The following SORL1 variants were observed in gnomAD, a reference collection of about 807,000 sequenced individuals.
SORL1 encodes the protein sortilin-related receptor.
SORL1 carries 127 observed loss-of-function variants against 273.7 expected under a neutral mutation model. That is an observed-to-expected ratio of 0.46 (90% confidence interval 0.40 to 0.54). The LOEUF is 0.54. Ranked by LOEUF, SORL1 falls within the 20% of genes least tolerant of loss-of-function variation. The pLI is 0.00. For synonymous variants in SORL1, 1,031 were observed against 1,067.4 expected, an observed-to-expected ratio of 0.97 and a Z score of 0.66; for missense variants, 2,494 against 2,846.1, an observed-to-expected ratio of 0.88 and a Z score of 2.81.
chr11:121,489,314 C>T (rs1434526459), intron 4 of SORL1, among the ~76,000 whole-genome samples: 3 of 152,128 alleles, frequency 2.0e-5, no homozygotes, highest in Non-Finnish European at 4.4e-5. Flanking sequence ...GTTTTGCAGC[C>T]ATCACCACCA....
chr11:121,546,689 A>C (rs79129721), intron 14 of SORL1, among the ~76,000 whole-genome samples: 2,462 of 152,322 alleles, frequency 0.016, 79 homozygotes, highest in African/African-American at 0.055. Flanking sequence ...TCTGTGTTAC[A>C]ACTCCTCACT....
intron 8 of SORL1, among the ~76,000 whole-genome samples, chr11:121,517,232 C>T (rs1861968993): frequency 6.6e-6 from 1 of 152,150 alleles, no homozygotes; most frequent in South Asian, 2.1e-4. Context: ...CGCTTCTCTC[C>T]ACCGTCCCCT....
intron 22 of SORL1, among the ~76,000 whole-genome samples, chr11:121,567,370 G>T (rs1052955590): frequency 6.6e-6 from 1 of 152,130 alleles, no homozygotes; most frequent in Non-Finnish European, 1.5e-5. Context: ...TGTGGTTTTT[G>T]GTTTCATGTC....
chr11:121,572,945 C>T (rs1020771194), intron 23 of SORL1, among the ~76,000 whole-genome samples: 4 of 152,180 alleles, frequency 2.6e-5, no homozygotes, highest in Admixed American at 2.0e-4. Flanking sequence ...ATTTCGTGCA[C>T]GACAACCCCT....
rs888854043 is a variant in SORL1, at chr11:121,588,262, G to A, written c.3946+111G>A. On this transcript the variant is annotated intron_variant, in intron 28 of 47. Transcript: ENST00000260197. Reference sequence around the variant, plus strand: ...TTAATAACTGACAGGTCTTGGTTGAGTGTCGAGGGTTTGACCACCCTGGAG... The same window carrying A: ...TTAATAACTGACAGGTCTTGGTTGAATGTCGAGGGTTTGACCACCCTGGAG... 5 of 1,308,036 alleles carry A rather than the reference G, an allele frequency of 3.8e-6. No homozygotes were observed. In the African/African-American group the frequency reaches 4.3e-5, roughly 11 times the overall value. The allele number at this position is 1,308,036 out of a possible 1,614,324, so 81.0% of individuals were successfully genotyped here. A position where few individuals can be genotyped will look rare whatever the true frequency, so the allele number is the denominator to read the frequency against.
chr11:121,561,845 C>T (rs1862680944), intron 21 of SORL1, among the ~76,000 whole-genome samples: 1 of 152,076 alleles, frequency 6.6e-6, no homozygotes, highest in Admixed American at 6.6e-5. Context: ...CTCTTGCTGT[C>T]CTTTGGTTGT....
intron 2 of SORL1, among the ~76,000 whole-genome samples, chr11:121,471,421 A>G (rs981961004): frequency 2.0e-5 from 3 of 152,224 alleles, no homozygotes; most frequent in South Asian, 4.1e-4. Flanking sequence ...AGCTCGCCCA[A>G]CGGCTGGTCC....
chr11:121,496,960 T>C lies in SORL1; in HGVS notation c.850T>C (p.Phe284Leu). ...YSTVFRSTDF[F>L]QSRENQEVIL... ...CACTGTCTTCCGAAGTACAGATTTCTTCCAGTCCCGGGAAAACCAGGAAGT... is the reference window on the plus strand; with the variant it reads ...CACTGTCTTCCGAAGTACAGATTTCCTCCAGTCCCGGGAAAACCAGGAAGT... The change falls in exon 6 of 48, where the codon TTC (phenylalanine) becomes CTC (leucine). Residue 284 changes from phenylalanine to leucine, a missense_variant. Coordinates refer to ENST00000260197, the MANE Select transcript of SORL1 (RefSeq NM_003105.6). 6.2e-7 allele frequency: 1 copy of C among 1,614,168 alleles called. No homozygotes were observed.
At chr11:121,519,357 G>C (rs990580272) in intron 8 of SORL1, among the ~76,000 whole-genome samples, 10 of 151,824 alleles carry the variant, frequency 6.6e-5, no homozygotes, top group Non-Finnish European at 1.0e-4. Flanking sequence ...CTGTGGCTGT[G>C]GCATCAGGGT....
At position 121,471,669 on chromosome 11, in the gene SORL1, C is replaced by G. The variant is rs1024885942; in HGVS notation, c.402+1546C>G. ...TGCGGATTTGGTCTCTGTGAGGTCC[C>G]TCTCTGTATATCCACTGTCTGGGTT... On this transcript the variant is annotated intron_variant, in intron 2 of 47. Coordinates refer to ENST00000260197, the MANE Select transcript of SORL1 (RefSeq NM_003105.6). Among the ~76,000 whole-genome samples the G allele has an allele frequency of 1.4e-4, 21 of 152,194 alleles. 1 individual carries two copies.
At position 121,548,392 on chromosome 11, in the gene SORL1, C is replaced by T. The variant is rs373819842; in HGVS notation, c.2052-1568C>T. ...ATTTAAAGTGGCCGTTCAGTAATAA[C>T]GAACTGAGGTAATGAAAGAGGCACA... On this transcript the variant is annotated intron_variant, in intron 14 of 47. Coordinates refer to ENST00000260197, the MANE Select transcript of SORL1 (RefSeq NM_003105.6). 3.9e-4 allele frequency among the ~76,000 whole-genome samples: 59 copies of T among 152,262 alleles called. 1 individual carries two copies. Among genetic ancestry groups the T allele is most frequent in the African/African-American group, 1.2e-3 (49 of 41,544 alleles).
At chr11:121,469,948 T>G in intron 1 of SORL1, 59 bp from the exon 2 acceptor site, 1 of 1,082,948 alleles carries the variant, frequency 9.2e-7, no homozygotes, top group Non-Finnish European at 1.4e-6. Flanking sequence ...AGTCTTGATT[T>G]AGAATGTGTG....
intron 11 of SORL1, among the ~76,000 whole-genome samples, chr11:121,526,667 T>C (rs912064020): frequency 1.3e-5 from 2 of 152,190 alleles, no homozygotes; most frequent in African/African-American, 4.8e-5. Flanking sequence ...CCTGTACATC[T>C]TTTATTAGCT....
At chr11:121,467,115 C>T (rs544517789) in intron 1 of SORL1, among the ~76,000 whole-genome samples, 14 of 150,272 alleles carry the variant, frequency 9.3e-5, no homozygotes, top group African/African-American at 3.2e-4. Flanking sequence ...CTGCAAGCTC[C>T]GCCTCCCGGG....
At chr11:121,490,213 T>G (rs1424337044) in intron 5 of SORL1, 103 bp downstream of exon 5, 1 of 765,536 alleles carries the variant, frequency 1.3e-6, no homozygotes. Context: ...TGTCCAGCAT[T>G]TATTCAGGAA....
At chr11:121,590,246 G>A in intron 30 of SORL1, 72 bp downstream of exon 30, 1 of 1,475,460 alleles carries the variant, frequency 6.8e-7, no homozygotes, top group East Asian at 2.4e-5. Context: ...AGCTATGCAG[G>A]ATGTGCCTGG....
At chr11:121,474,941 A>T (rs1310646327) in intron 2 of SORL1, among the ~76,000 whole-genome samples, 2 of 152,252 alleles carry the variant, frequency 1.3e-5, no homozygotes, top group African/African-American at 2.4e-5. Context: ...TGGAGCTTAT[A>T]GTCTATGCTA....
intron 1 of SORL1, among the ~76,000 whole-genome samples, chr11:121,460,570 G>A (rs1441721178): frequency 6.6e-6 from 1 of 151,910 alleles, no homozygotes; most frequent in Non-Finnish European, 1.5e-5. Flanking sequence ...TAATTGTTTT[G>A]TATTTTTAGT....
chr11:121,605,633 C>A, intron 35 of SORL1, 62 bp downstream of exon 35: 1 of 1,345,738 alleles, frequency 7.4e-7, no homozygotes, highest in South Asian at 1.2e-5. Context: ...TTGTGAGGGT[C>A]TTTCTGAGTA....
Sources: gnomAD v4.1 joint callset for allele counts (sites outside exome capture counted in the v4.1 genomes callset) on GRCh38, gnomAD v4.1.1 for gene constraint, MANE v1.5 for transcripts, NCBI Gene and HGNC (gene_info 2026-07-23, HGNC 2026-07-21) for gene names.